Variants in MTOR observed in about 807,000 individuals in gnomAD.
MTOR encodes mechanistic target of rapamycin kinase.
In MTOR, 70 loss-of-function variants were observed where a neutral mutation model predicts 319.8. That is an observed-to-expected ratio of 0.22 (90% CI 0.18 to 0.27). The LOEUF (loss-of-function observed/expected upper bound fraction) is 0.27, where lower values mean the gene tolerates loss of function less well. Among genes scored for constraint, MTOR ranks in the 10% least tolerant of loss-of-function variants. The pLI is 1.00. For synonymous variants in MTOR, 1,183 were observed against 1,211.4 expected (o/e 0.98, Z 0.49); for missense variants, 1,890 against 3,274.4 (o/e 0.58, Z 10.32).
intron 15 of MTOR, 22 bp from the exon 16 acceptor site, chr1:11,232,550 G>A (rs2100874106): frequency 6.3e-7 from 1 of 1,597,732 alleles, no homozygotes; most frequent in Non-Finnish European, 8.6e-7. Context: ...AAAAGAGGGT[G>A]GCAGAAAGGG....
At position 11,115,950 on chromosome 1, in the gene MTOR, T is replaced by C. The variant is rs1642142735; in HGVS notation, c.7017-482A>G. ...CGTAACAGGGTCTCATCTCCTTAAG[T>C]CCCTGAGCCAATCCCGGCAACCACC... On this transcript the variant is annotated intron_variant, in intron 50 of 57. Transcript: ENST00000361445. This position sits in a 1 kb window ranked among gnomAD's most constrained non-coding sequence, Gnocchi z 4.5. Among the ~76,000 whole-genome samples the C allele has an allele frequency of 6.6e-6, 1 of 152,176 alleles. No homozygotes were observed. The highest frequency in any genetic ancestry group is 1.5e-5 in the Non-Finnish European group (1 of 68,042).
At chr1:11,112,805 T>C in intron 54 of MTOR, 47 bp downstream of exon 54, 4 of 1,603,088 alleles carry the variant, frequency 2.5e-6, no homozygotes, top group Non-Finnish European at 2.6e-6. Context: ...CTACAAACAC[T>C]CTGCACAAGG....
At position 11,133,167 on chromosome 1, in the gene MTOR, C is replaced by T; in HGVS notation, c.5277G>A (p.Leu1759=). The T allele has an allele frequency of 6.2e-7, 1 of 1,614,196 alleles. No individual in the cohort carries two copies. Among genetic ancestry groups the T allele is most frequent in the Non-Finnish European group, 8.5e-7 (1 of 1,180,042 alleles). The change falls in exon 38 of 58, where the codon CTG becomes CTA. Residue 1759 remains leucine, a synonymous_variant. Transcript: ENST00000361445. The surrounding 1 kb of genome is among the most constrained non-coding windows in gnomAD (Gnocchi z 4.0). ...RCFLKLGEWQ[L]NLQGINESTI... ...TGCTCTCATTGATGCCCTGTAGATTCAGCTGCCACTCTCCAAGTTTCAGGA... is the reference window on the plus strand; with the variant it reads ...TGCTCTCATTGATGCCCTGTAGATTTAGCTGCCACTCTCCAAGTTTCAGGA...
Position 11,243,062 on chromosome 1 carries a change from T to C in MTOR, c.1412+52A>G. 5 of 1,602,682 alleles carry C rather than the reference T, an allele frequency of 3.1e-6. No homozygotes were observed. The South Asian group carries it at 4.4e-5, about 14-fold the overall frequency. On this transcript the variant is annotated intron_variant, in intron 9 of 57. Transcript: ENST00000361445. ...TCCGTGGATCTGAAATAGAGCGTCC[T>C]TCCTCTCCAACCAAATGGAGTGGAA...
chr1:11,185,561 G>T (rs1423306147), intron 28 of MTOR, among the ~76,000 whole-genome samples: 1 of 152,062 alleles, frequency 6.6e-6, no homozygotes, highest in Non-Finnish European at 1.5e-5. Context: ...AGCCATGGTT[G>T]CCCCATTGCA....
intron 8 of MTOR, among the ~76,000 whole-genome samples, chr1:11,247,201 T>G (rs2100937278): frequency 6.6e-6 from 1 of 152,240 alleles, no homozygotes. Flanking sequence ...TTGGGGCAGC[T>G]TCAGGAGCCA....
At position 11,129,559 on chromosome 1, in the gene MTOR, C is replaced by A. The variant is rs1446338302; in HGVS notation, c.5714+179G>T. Among the ~76,000 whole-genome samples, 1 of 152,232 alleles carries A rather than the reference C, an allele frequency of 6.6e-6. No homozygotes were observed. The highest frequency in any genetic ancestry group is 1.5e-5 in the Non-Finnish European group (1 of 68,036). On this transcript the variant is annotated intron_variant, in intron 40 of 57. Transcript: ENST00000361445. This position sits in a 1 kb window ranked among gnomAD's most constrained non-coding sequence, Gnocchi z 4.7. The stretch of plus-strand genomic sequence containing the variant: ...CCTCCTCACTCTCTGTAGGTTTCAC[C>A]CACACAGGTGGGGCCCAGTCAGCTG...
chr1:11,212,922 C>A lies in MTOR; in HGVS notation c.3286-14G>T, dbSNP rs747536309. ...TGCAGCCAGTAACTGCAAAAGGGAGCAAAAGCATGGTGATGAATAGTCAGG... is the reference window on the plus strand; with the variant it reads ...TGCAGCCAGTAACTGCAAAAGGGAGAAAAAGCATGGTGATGAATAGTCAGG... On this transcript the variant is annotated splice_polypyrimidine_tract_variant and intron_variant, in intron 21 of 57. Coordinates refer to ENST00000361445, the MANE Select transcript of MTOR (RefSeq NM_004958.4). The surrounding 1 kb of genome is among the most constrained non-coding windows in gnomAD (Gnocchi z 4.1). 9.3e-6 allele frequency: 15 copies of A among 1,606,022 alleles called. No homozygotes were observed. Among genetic ancestry groups the A allele is most frequent in the Non-Finnish European group, 1.1e-5 (13 of 1,172,976 alleles).
intron 13 of MTOR, among the ~76,000 whole-genome samples, chr1:11,237,153 A>G (rs1029244890): frequency 2.0e-5 from 3 of 152,206 alleles, no homozygotes; most frequent in Non-Finnish European, 2.9e-5. Flanking sequence ...TGGGTGAGCA[A>G]CATAGAGACC....
At chr1:11,108,339 T>G (rs1464128080) in intron 56 of MTOR, 53 bp from the exon 57 acceptor site, 6 of 1,393,108 alleles carry the variant, frequency 4.3e-6, no homozygotes, top group Admixed American at 3.4e-5. Context: ...ATCGATGCAC[T>G]TCTTGTTCCC....
intron 45 of MTOR, 49 bp downstream of exon 45, chr1:11,126,961 G>T: frequency 6.2e-7 from 1 of 1,606,904 alleles, no homozygotes; most frequent in Non-Finnish European, 8.5e-7. Flanking sequence ...CAGTAAAACA[G>T]AAAGGACTAT....
intron 29 of MTOR, among the ~76,000 whole-genome samples, chr1:11,161,448 G>A (rs754415616): frequency 1.3e-5 from 2 of 152,202 alleles, no homozygotes; most frequent in Non-Finnish European, 2.9e-5. Flanking sequence ...GGTTCTCCCA[G>A]AACAGAGTTT....
intron 31 of MTOR, among the ~76,000 whole-genome samples, chr1:11,147,193 G>C (rs1009566033): frequency 1.3e-5 from 2 of 152,172 alleles, no homozygotes; most frequent in African/African-American, 4.8e-5. Context: ...ATGGTATGTT[G>C]GGAAATTACA....
At position 11,167,499 on chromosome 1, in the gene MTOR, C is replaced by T. The variant is rs761890456; in HGVS notation, c.4272G>A (p.Gln1424=). ...ESLISINNKL[Q]QPEAAAGVLE... Reference sequence around the variant, plus strand: ...ACACTCCGGCCGCTGCCTCCGGCTGCTGTAGCTTATTATTAATGCTGAGAA... The same window carrying T: ...ACACTCCGGCCGCTGCCTCCGGCTGTTGTAGCTTATTATTAATGCTGAGAA... The change falls in exon 29 of 58, where the codon CAG becomes CAA. Residue 1424 remains glutamine (Q), a synonymous_variant. Coordinates refer to ENST00000361445, the MANE Select transcript of MTOR (RefSeq NM_004958.4). The T allele has an allele frequency of 6.2e-7, 1 of 1,612,636 alleles. No homozygotes were observed. The highest frequency in any genetic ancestry group is 1.1e-5 in the South Asian group (1 of 91,060).
chr1:11,145,842 T>C (rs572860435), intron 32 of MTOR, among the ~76,000 whole-genome samples: 11 of 152,260 alleles, frequency 7.2e-5, no homozygotes, highest in Admixed American at 1.3e-4. Flanking sequence ...TTGCTGGGCA[T>C]GTTTATGAAA....
Position 11,199,627 on chromosome 1 carries a change from T to C in MTOR, c.4021A>G (p.Ile1341Val). ...EDQQDELIRS[I>V]ELALTSQDIA... The stretch of plus-strand genomic sequence containing the variant: ...TCTTGTGAGGTGAGGGCCAACTCGA[T>C]GCTTCTGATGAGCTCATCCTGTTGA... The change falls in exon 27 of 58, where the codon ATC (isoleucine) becomes GTC (valine). Residue 1341 changes from isoleucine to valine, a missense_variant. This residue lies in a region of MTOR where 49 missense variants were observed against 119.1 expected (regional missense o/e 0.41). Coordinates refer to ENST00000361445, the MANE Select transcript of MTOR (RefSeq NM_004958.4). The surrounding 1 kb of genome is among the most constrained non-coding windows in gnomAD (Gnocchi z 4.5). 6.2e-7 allele frequency: 1 copy of C among 1,614,218 alleles called. No individual in the cohort carries two copies. The highest frequency in any genetic ancestry group is 8.5e-7 in the Non-Finnish European group (1 of 1,180,026).
chr1:11,232,316 CCTA>C (rs1647046058), intron 16 of MTOR, 117 bp downstream of exon 16: 1 of 615,280 alleles, frequency 1.6e-6, no homozygotes, highest in East Asian at 2.7e-5. Context: ...TTTTTGAGCA[CCTA>C]CTATGTGTCA....
At chr1:11,188,135 T>C (rs1384529439) in intron 28 of MTOR, among the ~76,000 whole-genome samples, 1 of 152,204 alleles carries the variant, frequency 6.6e-6, no homozygotes, top group Non-Finnish European at 1.5e-5. Flanking sequence ...CCACGCTGAC[T>C]ACAACAGTAC....
chr1:11,251,659 T>C (rs941350016), intron 6 of MTOR, among the ~76,000 whole-genome samples: 39 of 147,306 alleles, frequency 2.6e-4, no homozygotes, highest in Admixed American at 4.0e-4. Flanking sequence ...TAGTTTCTTT[T>C]TTTTTTTTTT....
Sources: allele counts gnomAD v4.1 joint callset (sites outside exome capture counted in the v4.1 genomes callset), GRCh38; gene constraint gnomAD v4.1.1; regional missense constraint gnomAD v4.1.1; non-coding constraint Gnocchi (gnomAD v3.1); transcripts MANE v1.5; gene names NCBI Gene and HGNC (gene_info 2026-07-23, HGNC 2026-07-21).